Variants in POT1 observed in about 807,000 individuals in gnomAD.
The protein encoded by POT1 is protection of telomeres 1, also known as protection of telomeres protein 1.
In POT1, 47 loss-of-function variants were observed where a neutral mutation model predicts 78.5. The ratio of observed to expected loss-of-function variants is 0.60; its 90% CI spans 0.47 to 0.76. The LOEUF (loss-of-function observed/expected upper bound fraction) is 0.76, where lower values mean the gene tolerates loss of function less well. Among genes scored for constraint, POT1 ranks in the 30% least tolerant of loss-of-function variants. POT1 has a pLI of 0.00. For synonymous variants in POT1, 259 were observed against 260.7 expected (o/e 0.99, Z 0.06); for missense variants, 646 against 749.9 (o/e 0.86, Z 1.62).
At chr7:124,910,490 TG>T (rs1796866035) in intron 3 of POT1, among the ~76,000 whole-genome samples, 1 of 151,936 alleles carries the variant, frequency 6.6e-6, no homozygotes, top group African/African-American at 2.4e-5. Context: ...CTTTGCAATC[TG>T]TAAGATTTCA....
chr7:124,883,537 T>C (rs1796172704), intron 6 of POT1, among the ~76,000 whole-genome samples: 1 of 152,052 alleles, frequency 6.6e-6, no homozygotes, highest in Admixed American at 6.5e-5. Context: ...AACTATATAT[T>C]TATTTATTTT....
Position 124,827,231 on chromosome 7 carries a change from C to T in POT1, c.1669G>A (p.Ala557Thr). 2 of 1,561,920 alleles carry T rather than the reference C, an allele frequency of 1.3e-6. No homozygotes were observed. The highest frequency in any genetic ancestry group is 1.8e-6 in the Non-Finnish European group (2 of 1,140,748). Reference sequence around the variant, plus strand: ...ATACTTACAGAATCCATGAGATAGGCTTCTAGTACTCCTGTTCCATCATCA... The same window carrying T: ...ATACTTACAGAATCCATGAGATAGGTTTCTAGTACTCCTGTTCCATCATCA... ...TLDDGTGVLE[A>T]YLMDSDKFFQ... The change falls in exon 17 of 19, where the codon GCC becomes ACC. Residue 557 changes from alanine (A) to threonine (T), a missense_variant. Transcript: ENST00000357628.
intron 2 of POT1, among the ~76,000 whole-genome samples, chr7:124,926,632 A>G (rs1317466608): frequency 1.3e-5 from 2 of 152,214 alleles, no homozygotes; most frequent in African/African-American, 4.8e-5. Flanking sequence ...ACCTGCACTC[A>G]TATGTATACC....
intron 17 of POT1, 150 bp from the exon 18 acceptor site, chr7:124,825,507 T>C: frequency 2.0e-6 from 1 of 496,116 alleles, no homozygotes; most frequent in Non-Finnish European, 3.5e-6. Flanking sequence ...ACTAGAATGC[T>C]GGTCTCAACT....
intron 3 of POT1, among the ~76,000 whole-genome samples, chr7:124,899,575 A>G (rs999933042): frequency 3.9e-5 from 6 of 152,166 alleles, no homozygotes; most frequent in Admixed American, 6.5e-5. Context: ...CAGTTTTACA[A>G]ACTGAAGTAT....
intron 6 of POT1, among the ~76,000 whole-genome samples, chr7:124,881,858 A>G (rs1328825620): frequency 6.6e-6 from 1 of 152,036 alleles, no homozygotes; most frequent in African/African-American, 2.4e-5. Context: ...TACTTTAAAT[A>G]AATAGTACAC....
intron 7 of POT1, among the ~76,000 whole-genome samples, chr7:124,865,074 C>T (rs1795688475): frequency 2.0e-5 from 3 of 152,054 alleles, no homozygotes; most frequent in Admixed American, 2.0e-4. Context: ...AATGTATTTG[C>T]TGGATATAAA....
At chr7:124,876,495 A>T (rs1038892395) in intron 6 of POT1, among the ~76,000 whole-genome samples, 3 of 152,184 alleles carry the variant, frequency 2.0e-5, no homozygotes, top group African/African-American at 7.2e-5. Context: ...CAGCAAACTC[A>T]AAGAATTGGG....
At chr7:124,838,668 C>T (rs566312640) in intron 14 of POT1, among the ~76,000 whole-genome samples, 13 of 152,032 alleles carry the variant, frequency 8.6e-5, no homozygotes, top group Admixed American at 5.9e-4. Flanking sequence ...TGCAATGGCG[C>T]GATCTCGGCT....
At chr7:124,889,064 G>C (rs1796309465) in intron 6 of POT1, among the ~76,000 whole-genome samples, 1 of 151,942 alleles carries the variant, frequency 6.6e-6, no homozygotes, top group South Asian at 2.1e-4. Context: ...ATCCAAAGCT[G>C]AGATACACTG....
At chr7:124,827,085 C>A (rs538381817) in intron 17 of POT1, 129 bp downstream of exon 17, 3 of 412,422 alleles carry the variant, frequency 7.3e-6, no homozygotes, top group Non-Finnish European at 1.3e-5. Flanking sequence ...GATTTATGTG[C>A]TCATATTTTA....
intron 14 of POT1, among the ~76,000 whole-genome samples, chr7:124,838,596 T>C (rs974736679): frequency 7.9e-5 from 12 of 152,106 alleles, no homozygotes; most frequent in Admixed American, 3.9e-4. Context: ...CCGTGACTTA[T>C]AGATTATGGC....
chr7:124,825,763 TTTTG>T (rs1316485369), intron 17 of POT1, among the ~76,000 whole-genome samples: 3 of 152,204 alleles, frequency 2.0e-5, no homozygotes, highest in African/African-American at 7.2e-5. Context: ...AAGGAAGGAA[TTTTG>T]TTTACTTTGT....
intron 13 of POT1, 136 bp downstream of exon 13, chr7:124,842,671 A>G: frequency 1.6e-6 from 1 of 609,186 alleles, no homozygotes; most frequent in Non-Finnish European, 2.4e-6. Context: ...CACTTTACCT[A>G]AAAAATTTAC....
intron 6 of POT1, among the ~76,000 whole-genome samples, chr7:124,872,463 C>T (rs539561812): frequency 6.6e-6 from 1 of 152,252 alleles, no homozygotes; most frequent in South Asian, 2.1e-4. Flanking sequence ...AGGGTATCCA[C>T]ACTGTCCACG....
At chr7:124,901,796 G>A (rs1044260623) in intron 3 of POT1, among the ~76,000 whole-genome samples, 3 of 152,072 alleles carry the variant, frequency 2.0e-5, no homozygotes, top group Admixed American at 2.0e-4. Flanking sequence ...CAGATTAGAC[G>A]AATGGCTAAC....
intron 17 of POT1, among the ~76,000 whole-genome samples, chr7:124,826,959 A>T (rs1202442102): frequency 4.6e-5 from 7 of 152,140 alleles, no homozygotes; most frequent in Non-Finnish European, 8.8e-5. Flanking sequence ...GTATCTCTGC[A>T]TTTTGGCCAT....
rs758908412 is a variant in POT1 at position 124,892,328 on chromosome 7, G to A, written c.62C>T (p.Thr21Ile). 1 of 1,537,084 alleles carries A rather than the reference G, an allele frequency of 6.5e-7. No individual in the cohort carries two copies. The highest frequency in any genetic ancestry group is 2.3e-5 in the Admixed American group (1 of 43,488). Reference sequence around the variant, plus strand: ...CACAACACCATAGACATTGACAATTGTACCACCCTTAAGTTGATTCAGGGG... The same window carrying A: ...CACAACACCATAGACATTGACAATTATACCACCCTTAAGTTGATTCAGGGG... ...YTPLNQLKGG[T>I]IVNVYGVVKF... The change falls in exon 6 of 19, where the codon ACA (threonine) becomes ATA (isoleucine). Residue 21 changes from threonine (T) to isoleucine (I), a missense_variant. Around this residue, in one of 2 missense-constraint regions of POT1, gnomAD observed 252 missense variants for 341.4 expected, o/e 0.74. Transcript: ENST00000357628.
intron 2 of POT1, among the ~76,000 whole-genome samples, chr7:124,916,010 A>G (rs1352721110): frequency 6.6e-6 from 1 of 152,162 alleles, no homozygotes; most frequent in Non-Finnish European, 1.5e-5. Flanking sequence ...TGAAAACTTA[A>G]TAAAGATTTA....
Sources: gnomAD v4.1 joint callset for allele counts (sites outside exome capture counted in the v4.1 genomes callset) on GRCh38, gnomAD v4.1.1 for gene constraint, gnomAD v4.1.1 regional missense constraint, MANE v1.5 for transcripts, NCBI Gene and HGNC (gene_info 2026-07-23, HGNC 2026-07-21) for gene names.